The following RNF216 variants were observed in gnomAD, a reference collection of about 807,000 sequenced individuals.
The protein encoded by RNF216 is ring finger protein 216, also known as E3 ubiquitin-protein ligase RNF216.
A neutral mutation model predicts 110.8 loss-of-function variants in RNF216; 72 were observed. The observed-to-expected ratio is 0.65, with a 90% CI of 0.54 to 0.79. The LOEUF is 0.79. Ranked by LOEUF, RNF216 falls within the 30% of genes least tolerant of loss-of-function variation. The pLI, the probability that RNF216 is intolerant of heterozygous loss-of-function variation, is 0.00. For missense variants in RNF216, 1,342 were observed against 1,141.2 expected (o/e 1.18, Z -2.54); for synonymous variants, 495 against 407.5 (o/e 1.21, Z -2.59).
chr7:5,739,635 G>A (rs762948181), intron 4 of RNF216: 6 of 521,752 alleles, frequency 1.1e-5, no homozygotes, highest in South Asian at 7.7e-5. Context: ...TCTAGACAAA[G>A]GGAATCCAAA....
chr7:5,638,836 T>G (rs1053369680), intron 15 of RNF216, among the ~76,000 whole-genome samples: 1 of 152,108 alleles, frequency 6.6e-6, no homozygotes, highest in Non-Finnish European at 1.5e-5. Context: ...GGTCTCACTA[T>G]GTTGCCCAGG....
In RNF216 at chr7:5,741,623, C is replaced by T. The variant is rs371431845; in HGVS notation, c.394G>A (p.Gly132Ser). The change falls in exon 4 of 17, where the codon GGT becomes AGT. Residue 132 changes from glycine (G) to serine (S), a missense_variant. Gly to Ser is a moderately conservative substitution (Grantham distance 56). Transcript: ENST00000389902. ...GAQDDSEDDY[G>S]EFLDLGPPGI... The stretch of plus-strand genomic sequence containing the variant: ...GGAGGCCCAAGATCCAGAAATTCAC[C>T]GTAGTCATCCTCAGAATCATCCTGT... 1.6e-5 allele frequency: 26 copies of T among 1,614,094 alleles called. No homozygotes were observed. The African/African-American group carries it at 2.3e-4, about 14-fold the overall frequency.
chr7:5,773,241 A>G (rs1796595697), intron 1 of RNF216, among the ~76,000 whole-genome samples: 1 of 151,686 alleles, frequency 6.6e-6, no homozygotes, highest in Non-Finnish European at 1.5e-5. Flanking sequence ...TTTTCCCCAA[A>G]TAAGATTTTT....
chr7:5,675,711 A>ATTGTTTTTT (rs1562815251), intron 13 of RNF216, among the ~76,000 whole-genome samples: 1 of 132,572 alleles, frequency 7.5e-6, no homozygotes, highest in Non-Finnish European at 1.6e-5. Context: ...CTCTATTCAA[A>ATTGTTTTTT]TTCTTTTTTT....
Position 5,741,868 on chromosome 7 carries a change from CCTT to C in RNF216, c.202-56_202-54del, listed in dbSNP as rs1405334901. On this transcript the variant is annotated intron_variant, in intron 3 of 16. Transcript: ENST00000389902. Reference sequence around the variant, plus strand: ...CAATTTCTTTCCTATGCCTATCCCTCCTTATGTACTTATATTGAGCTTCCGAGA... The same window carrying C: ...CAATTTCTTTCCTATGCCTATCCCTCATGTACTTATATTGAGCTTCCGAGA... 8 of 1,530,058 alleles carry C rather than the reference CCTT, an allele frequency of 5.2e-6. No individual in the cohort carries two copies. In the African/African-American group the frequency reaches 8.3e-5, roughly 16 times the overall value. The allele number at this position is 1,530,058 out of a possible 1,614,324, so 94.8% of individuals were successfully genotyped here. A position where few individuals can be genotyped will look rare whatever the true frequency, so the allele number is the denominator to read the frequency against.
intron 13 of RNF216, among the ~76,000 whole-genome samples, chr7:5,684,402 T>C (rs6956960): frequency 0.15 from 23,258 of 151,434 alleles, 2,885 homozygotes; most frequent in African/African-American, 0.34. Flanking sequence ...CCACTGCGCC[T>C]GGCCCACAAG....
chr7:5,671,805 C>CA (rs11319565), intron 13 of RNF216, among the ~76,000 whole-genome samples: 7,149 of 53,492 alleles, frequency 0.13, 555 homozygotes, highest in South Asian at 0.18. Context: ...AACTCCGTCT[C>CA]AAAAAAAAAA....
intron 13 of RNF216, among the ~76,000 whole-genome samples, chr7:5,663,753 C>G (rs755326602): frequency 1.3e-5 from 2 of 151,750 alleles, no homozygotes; most frequent in Non-Finnish European, 2.9e-5. Context: ...CAAAAATTAG[C>G]CGGGTGTGGT....
At chr7:5,672,494 C>T (rs567116429) in intron 13 of RNF216, among the ~76,000 whole-genome samples, 3 of 152,284 alleles carry the variant, frequency 2.0e-5, no homozygotes, top group African/African-American at 2.4e-5. Context: ...CAAGACAATT[C>T]GGAGTTTAAC....
intron 1 of RNF216, among the ~76,000 whole-genome samples, chr7:5,765,157 G>C (rs940656346): frequency 6.6e-6 from 1 of 151,800 alleles, no homozygotes; most frequent in Non-Finnish European, 1.5e-5. Flanking sequence ...TACTCAAAGA[G>C]CTATTAAAAA....
At chr7:5,664,182 A>G in intron 13 of RNF216, among the ~76,000 whole-genome samples, 1 of 152,212 alleles carries the variant, frequency 6.6e-6, no homozygotes, top group East Asian at 1.9e-4. Context: ...GGGCAAAAAA[A>G]GCGTATCTAT....
chr7:5,773,778 G>C (rs1796627459), intron 1 of RNF216, among the ~76,000 whole-genome samples: 1 of 152,100 alleles, frequency 6.6e-6, no homozygotes, highest in Non-Finnish European at 1.5e-5. Context: ...ATGTTGGCCA[G>C]GCTGATCTTG....
chr7:5,696,805 C>T lies in RNF216; in HGVS notation c.2061+14956G>A, dbSNP rs1014523748. Among the ~76,000 whole-genome samples the T allele has an allele frequency of 3.3e-5, 5 of 152,144 alleles. No individual in the cohort carries two copies. The highest frequency in any genetic ancestry group is 1.3e-4 in the Admixed American group (2 of 15,280). On this transcript the variant is annotated intron_variant, in intron 13 of 16. Coordinates refer to ENST00000389902, the MANE Select transcript of RNF216 (RefSeq NM_207111.4). The surrounding 1 kb of genome is among the most constrained non-coding windows in gnomAD (Gnocchi z 5.4). Reference sequence around the variant, plus strand: ...GGGCTCTGGGAGGGCTGTAGGAGGACGGCATGTCCCCAGGTTACTAGAAAT... The same window carrying T: ...GGGCTCTGGGAGGGCTGTAGGAGGATGGCATGTCCCCAGGTTACTAGAAAT...
intron 13 of RNF216, among the ~76,000 whole-genome samples, chr7:5,675,304 G>A (rs1790210912): frequency 6.6e-6 from 1 of 152,136 alleles, no homozygotes; most frequent in Admixed American, 6.5e-5. Flanking sequence ...AGCCCCAGAG[G>A]GGACAGGCTT....
At chr7:5,634,870 G>A (rs965219171) in intron 15 of RNF216, among the ~76,000 whole-genome samples, 2 of 152,182 alleles carry the variant, frequency 1.3e-5, no homozygotes, top group African/African-American at 2.4e-5. Flanking sequence ...AACCCTGTCT[G>A]GGACACTGCT....
chr7:5,690,852 TTAA>T (rs151143662), intron 13 of RNF216, among the ~76,000 whole-genome samples: 1,892 of 152,216 alleles, frequency 0.012, 51 homozygotes, highest in African/African-American at 0.044. Context: ...AGCCTGACAC[TTAA>T]TAACACATAC....
At chr7:5,679,924 A>C (rs1007567288) in intron 13 of RNF216, among the ~76,000 whole-genome samples, 6 of 152,140 alleles carry the variant, frequency 3.9e-5, no homozygotes, top group African/African-American at 1.4e-4. Context: ...CGGCTTTAAG[A>C]AACACAATAG....
chr7:5,720,113 G>T (rs1437232106), intron 9 of RNF216, among the ~76,000 whole-genome samples: 1 of 152,206 alleles, frequency 6.6e-6, no homozygotes, highest in Admixed American at 6.5e-5. Flanking sequence ...TTCATGCCAA[G>T]GCACCACTGC....
chr7:5,659,247 G>A (rs1788945889), intron 13 of RNF216, among the ~76,000 whole-genome samples: 1 of 152,164 alleles, frequency 6.6e-6, no homozygotes, highest in Middle Eastern at 3.2e-3. Context: ...AGACACCGGA[G>A]ATACAGCAAT....
Sources: allele counts gnomAD v4.1 joint callset (sites outside exome capture counted in the v4.1 genomes callset), GRCh38; gene constraint gnomAD v4.1.1; non-coding constraint Gnocchi (gnomAD v3.1); transcripts MANE v1.5; gene names NCBI Gene and HGNC (gene_info 2026-07-23, HGNC 2026-07-21).